Variants in KDM1B observed in about 807,000 individuals in gnomAD.
KDM1B encodes the protein lysine demethylase 1B, also known as lysine-specific histone demethylase 2.
In KDM1B, 63 loss-of-function variants were observed where a neutral mutation model predicts 107.4. The ratio of observed to expected loss-of-function variants is 0.59; its 90% CI spans 0.48 to 0.72. The LOEUF is 0.72. KDM1B is among the 30% of genes least tolerant of loss of function. The pLI is 0.00. For missense variants in KDM1B, 749 were observed against 1,020.8 expected, an observed-to-expected ratio of 0.73 and a Z score of 3.63; for synonymous variants, 363 against 363.9, an observed-to-expected ratio of 1.00 and a Z score of 0.03.
chr6:18,210,351 T>TTTTTTTTTG (rs1788755525), intron 17 of KDM1B, among the ~76,000 whole-genome samples: 1 of 45,980 alleles, frequency 2.2e-5, no homozygotes, highest in Non-Finnish European at 4.1e-5. Flanking sequence ...TCTTTTTTTT[T>TTTTTTTTTG]TTTTTTTTTT....
rs111248416 is a variant in KDM1B at position 18,160,511 on chromosome 6, G to A, written c.87+529G>A. Among the ~76,000 whole-genome samples the A allele has an allele frequency of 5.5e-3, 839 of 152,216 alleles. 5 individuals carry two copies. Among genetic ancestry groups the A allele is most frequent in the African/African-American group, 0.019 (780 of 41,514 alleles). ...CCCAGCACTTTGGGAGTCCGAGGCC[G>A]GTGGATCACAAGGTCAGGAGATCCA... On this transcript the variant is annotated intron_variant, in intron 3 of 21. Transcript: ENST00000650836.
rs116825846 is a variant in KDM1B at position 18,174,079 on chromosome 6, C to T, written c.534+2600C>T. Among the ~76,000 whole-genome samples, 713 of 152,250 alleles carry T rather than the reference C, an allele frequency of 4.7e-3. 5 individuals carry two copies. Among genetic ancestry groups the T allele is most frequent in the Admixed American group, 6.1e-3 (93 of 15,276 alleles). On this transcript the variant is annotated intron_variant, in intron 7 of 21. Transcript: ENST00000650836. ...GATTACAGGCGTGAGCCACTGCGCC[C>T]GGCCCTATCTTAGCACCATTATAAA... is the stretch of plus-strand genomic sequence containing the variant.
intron 9 of KDM1B, among the ~76,000 whole-genome samples, chr6:18,190,297 A>G (rs1787186996): frequency 6.6e-6 from 1 of 151,354 alleles, no homozygotes; most frequent in South Asian, 2.1e-4. Context: ...TGTACACTTA[A>G]AAACAGATAA....
At position 18,166,249 on chromosome 6, in the gene KDM1B, A is replaced by G; in HGVS notation, c.306-18A>G. 3 of 1,188,812 alleles carry G rather than the reference A, an allele frequency of 2.5e-6. No homozygotes were observed. The highest frequency in any genetic ancestry group is 2.4e-5 in the South Asian group (2 of 82,436). The allele number at this position is 1,188,812 out of a possible 1,614,324, so 73.6% of individuals were successfully genotyped here. On this transcript the variant is annotated intron_variant, in intron 5 of 21. Coordinates refer to ENST00000650836, the MANE Select transcript of KDM1B (RefSeq NM_001364614.2). ...AATCGATATATTAATCGATATATTA[A>G]TTTTTCTTGTTTTTCAGCCATAAGG...
chr6:18,215,776 G>A (rs142298994), intron 20 of KDM1B, among the ~76,000 whole-genome samples: 13 of 147,076 alleles, frequency 8.8e-5, no homozygotes, highest in African/African-American at 1.3e-4. Flanking sequence ...TAAAAGGCTC[G>A]GTATTTTCTA....
Position 18,213,578 on chromosome 6 carries a change from T to C in KDM1B, c.1984-78T>C. 4 of 1,469,310 alleles carry C rather than the reference T, an allele frequency of 2.7e-6. No homozygotes were observed. In the South Asian group the frequency reaches 4.6e-5, roughly 17 times the overall value. 91.0% of individuals were successfully genotyped at this position (1,469,310 alleles called of 1,614,324 possible). On this transcript the variant is annotated intron_variant, in intron 18 of 21. Coordinates refer to ENST00000650836, the MANE Select transcript of KDM1B (RefSeq NM_001364614.2). The surrounding 1 kb of genome is among the most constrained non-coding windows in gnomAD (Gnocchi z 5.9). ...CAGTGTCTTTGTTTTAGAGTAGAGC[T>C]ACAGGTTGCTGCTTAGATATTGCCT... is the stretch of plus-strand genomic sequence containing the variant.
chr6:18,222,118 C>A lies in KDM1B; in HGVS notation c.*126C>A. 2.3e-6 allele frequency: 2 copies of A among 863,972 alleles called. No individual in the cohort carries two copies. Among genetic ancestry groups the A allele is most frequent in the Non-Finnish European group, 3.9e-6 (2 of 511,384 alleles). The allele number at this position is 863,972 out of a possible 1,614,324, so 53.5% of individuals were successfully genotyped here. A position where few individuals can be genotyped will look rare whatever the true frequency, so the allele number is the denominator to read the frequency against. On this transcript the variant is annotated 3_prime_UTR_variant, in exon 22 of 22. Transcript: ENST00000650836. ...TAGTAAAACTGAAATGTTTCTAAGG[C>A]GATATGATAATGCAAACCTATTTCA...
chr6:18,186,494 C>G lies in KDM1B; in HGVS notation c.573+684C>G, dbSNP rs1039163057. On this transcript the variant is annotated intron_variant, in intron 8 of 21. Transcript: ENST00000650836. This position sits in a 1 kb window ranked among gnomAD's most constrained non-coding sequence, Gnocchi z 5.6. ...GTTCTAGATGTCTGAAACTCAGGAACTACGATAGCTTTTCAGGCAAAGACA... is the reference window on the plus strand; with the variant it reads ...GTTCTAGATGTCTGAAACTCAGGAAGTACGATAGCTTTTCAGGCAAAGACA... 6.6e-6 allele frequency among the ~76,000 whole-genome samples: 1 copy of G among 152,154 alleles called. No individual in the cohort carries two copies. Among genetic ancestry groups the G allele is most frequent in the Non-Finnish European group, 1.5e-5 (1 of 68,030 alleles).
In KDM1B at chr6:18,201,720, G is replaced by A; in HGVS notation, c.1531+63G>A. ...TTTCGTTGTTACCTAAGCTTCATCA[G>A]CAGTGGCATTGTTCATTTGCGAGGT... On this transcript the variant is annotated intron_variant, in intron 14 of 21. Transcript: ENST00000650836. This position sits in a 1 kb window ranked among gnomAD's most constrained non-coding sequence, Gnocchi z 4.3. 7.2e-7 allele frequency: 1 copy of A among 1,385,876 alleles called. No individual in the cohort carries two copies. The highest frequency in any genetic ancestry group is 9.8e-7 in the Non-Finnish European group (1 of 1,022,556). 85.8% of individuals were successfully genotyped at this position (1,385,876 alleles called of 1,614,324 possible).
At chr6:18,168,034 A>G (rs1785428789) in intron 6 of KDM1B, among the ~76,000 whole-genome samples, 1 of 152,216 alleles carries the variant, frequency 6.6e-6, no homozygotes, top group Non-Finnish European at 1.5e-5. Context: ...TGTTAGGATT[A>G]CAGGTGTGAG....
intron 10 of KDM1B, among the ~76,000 whole-genome samples, chr6:18,192,852 T>C (rs1269372552): frequency 6.6e-6 from 1 of 151,654 alleles, no homozygotes; most frequent in Non-Finnish European, 1.5e-5. Context: ...ATTATAGAAG[T>C]CCTAAGCTTA....
At chr6:18,179,556 AGAT>A (rs1786287638) in intron 7 of KDM1B, among the ~76,000 whole-genome samples, 24 of 152,178 alleles carry the variant, frequency 1.6e-4, no homozygotes, top group Admixed American at 1.6e-3. Flanking sequence ...TTTCTTTAAC[AGAT>A]ATATGGCCAT....
At chr6:18,170,295 A>G (rs894158325) in intron 6 of KDM1B, among the ~76,000 whole-genome samples, 2 of 152,140 alleles carry the variant, frequency 1.3e-5, no homozygotes, top group Non-Finnish European at 2.9e-5. Context: ...CATCTTACAT[A>G]CCATGATTAT....
At chr6:18,171,022 G>A (rs575512510) in intron 6 of KDM1B, among the ~76,000 whole-genome samples, 25 of 151,928 alleles carry the variant, frequency 1.6e-4, no homozygotes, top group African/African-American at 2.4e-4. Flanking sequence ...GGGTTTCACC[G>A]TGTTAGCCAG....
Position 18,197,561 on chromosome 6 carries a change from G to A in KDM1B, c.1147-26G>A, listed in dbSNP as rs761352943. ...GACGTTGTTATCATCTGCTCTAATT[G>A]GACTTTTGTTTCTTTTCTTTTTAAG... On this transcript the variant is annotated intron_variant, in intron 11 of 21. Coordinates refer to ENST00000650836, the MANE Select transcript of KDM1B (RefSeq NM_001364614.2). The surrounding 1 kb of genome is among the most constrained non-coding windows in gnomAD (Gnocchi z 4.5). The A allele has an allele frequency of 6.3e-7, 1 of 1,585,532 alleles. No homozygotes were observed. Among genetic ancestry groups the A allele is most frequent in the African/African-American group, 1.3e-5 (1 of 74,466 alleles).
intron 17 of KDM1B, among the ~76,000 whole-genome samples, chr6:18,210,741 G>A (rs1788802694): frequency 6.6e-6 from 1 of 151,846 alleles, no homozygotes; most frequent in South Asian, 2.1e-4. Context: ...GCTCATGCCT[G>A]TAATCACAGC....
intron 17 of KDM1B, among the ~76,000 whole-genome samples, chr6:18,208,603 G>GTGTGTGTATATA (rs1359166965): frequency 2.9e-5 from 1 of 34,896 alleles, no homozygotes; most frequent in African/African-American, 1.2e-4. Flanking sequence ...GTATGTGTAT[G>GTGTGTGTATATA]TATATATATA....
chr6:18,178,163 A>G lies in KDM1B; in HGVS notation c.534+6684A>G, dbSNP rs538979847. Among the ~76,000 whole-genome samples the G allele has an allele frequency of 5.3e-5, 8 of 152,262 alleles. No homozygotes were observed. The East Asian group carries it at 1.5e-3, about 29-fold the overall frequency. ...AGTGGCACCATATTGGCTCACTGCA[A>G]CCACCATCTCCTGGGTTCAAGCAAT... On this transcript the variant is annotated intron_variant, in intron 7 of 21. Coordinates refer to ENST00000650836, the MANE Select transcript of KDM1B (RefSeq NM_001364614.2).
intron 5 of KDM1B, among the ~76,000 whole-genome samples, chr6:18,163,698 A>G (rs1785111989): frequency 6.6e-6 from 1 of 152,118 alleles, no homozygotes; most frequent in South Asian, 2.1e-4. Context: ...TTAGAAGTAA[A>G]TTGTTTAATT....
Sources: allele counts gnomAD v4.1 joint callset (sites outside exome capture counted in the v4.1 genomes callset), GRCh38; gene constraint gnomAD v4.1.1; non-coding constraint Gnocchi (gnomAD v3.1); transcripts MANE v1.5; gene names NCBI Gene and HGNC (gene_info 2026-07-23, HGNC 2026-07-21).